The following OR2L13 variants were observed in gnomAD, a reference collection of about 807,000 sequenced individuals.
OR2L13 encodes the protein olfactory receptor family 2 subfamily L member 13.
Under a neutral mutation model 15.3 loss-of-function variants are expected in OR2L13, and 14 were observed. The ratio of observed to expected loss-of-function variants is 0.91; its 90% CI spans 0.60 to 1.43. OR2L13 has a LOEUF of 1.43. Among genes scored for constraint, OR2L13 ranks in the 40% most tolerant of loss-of-function variants. OR2L13 has a pLI of 0.00. For synonymous variants in OR2L13, 152 were observed against 142.9 expected (o/e 1.06, Z -0.45); for missense variants, 367 against 387.9 (o/e 0.95, Z 0.45).
chr1:248,015,912 T>G, the OR2L13 span, among the ~76,000 whole-genome samples: 2 of 152,084 alleles, frequency 1.3e-5, no homozygotes, highest in Non-Finnish European at 2.9e-5. Flanking sequence ...ATAGGGAAAA[T>G]AAATCAGTGA....
chr1:247,953,641 T>G, the OR2L13 span, among the ~76,000 whole-genome samples: 3 of 152,160 alleles, frequency 2.0e-5, no homozygotes, highest in African/African-American at 7.2e-5. Flanking sequence ...CTGAAAACAT[T>G]GAAGAAATTT....
At chr1:247,967,571 TATTG>T in the OR2L13 span, among the ~76,000 whole-genome samples, 1 of 152,222 alleles carries the variant, frequency 6.6e-6, no homozygotes, top group South Asian at 2.1e-4. Flanking sequence ...AAATTATTGT[TATTG>T]ATACTATTGA....
chr1:247,983,545 T>C, the OR2L13 span, among the ~76,000 whole-genome samples: 3 of 151,504 alleles, frequency 2.0e-5, no homozygotes, highest in East Asian at 1.9e-4. Context: ...GGGACAGAAG[T>C]AACTCATTTG....
chr1:248,065,958 A>G, the OR2L13 span, among the ~76,000 whole-genome samples: 1 of 152,110 alleles, frequency 6.6e-6, no homozygotes, highest in Non-Finnish European at 1.5e-5. Context: ...CTCTTCCAGT[A>G]CCCTCTCTGT....
the OR2L13 span, among the ~76,000 whole-genome samples, chr1:248,085,423 AAATAAAATAAAAT>A: frequency 9.0e-6 from 1 of 111,678 alleles, no homozygotes; most frequent in South Asian, 3.0e-4. Context: ...TAAAATAATA[AAATAAAATAAAAT>A]AATAAAATAA....
chr1:247,944,470 C>A, the OR2L13 span, among the ~76,000 whole-genome samples: 1 of 152,034 alleles, frequency 6.6e-6, no homozygotes, highest in African/African-American at 2.4e-5. Flanking sequence ...ATTGTCCTCC[C>A]CCAACAGGCC....
At chr1:248,066,219 G>A in the OR2L13 span, among the ~76,000 whole-genome samples, 1 of 152,152 alleles carries the variant, frequency 6.6e-6, no homozygotes, top group Non-Finnish European at 1.5e-5. Context: ...TCACACTCTT[G>A]TGAAGATTCC....
chr1:248,023,008 C>A, the OR2L13 span: 1 of 946,002 alleles, frequency 1.1e-6, no homozygotes, highest in Admixed American at 2.8e-5. Context: ...GAATGTTTGT[C>A]TTTTAATTTA....
chr1:248,088,065 A>G, the OR2L13 span, among the ~76,000 whole-genome samples: 9 of 152,266 alleles, frequency 5.9e-5, no homozygotes, highest in Non-Finnish European at 8.8e-5. Flanking sequence ...TGTTTGTTCT[A>G]TGAACTTTTA....
the OR2L13 span, chr1:247,965,558 T>G: frequency 1.2e-6 from 2 of 1,608,428 alleles, no homozygotes; most frequent in African/African-American, 1.3e-5. Context: ...CCAATGTACT[T>G]TCTGCTCAGT....
the OR2L13 span, chr1:248,004,079 C>A: frequency 6.3e-7 from 1 of 1,594,060 alleles, no homozygotes; most frequent in South Asian, 1.1e-5. Context: ...GAAACACTTT[C>A]TGCCTAAGGT....
At chr1:247,976,429 G>A in the OR2L13 span, among the ~76,000 whole-genome samples, 1 of 152,288 alleles carries the variant, frequency 6.6e-6, no homozygotes, top group Admixed American at 6.5e-5. Context: ...GTGCCTAAAA[G>A]CATCAACATT....
At chr1:248,032,142 T>G in the OR2L13 span, among the ~76,000 whole-genome samples, 1 of 152,106 alleles carries the variant, frequency 6.6e-6, no homozygotes, top group Non-Finnish European at 1.5e-5. Flanking sequence ...AAAAAGTAAT[T>G]TGTTCTTCTA....
the OR2L13 span, among the ~76,000 whole-genome samples, chr1:248,072,033 G>A: frequency 2.6e-4 from 39 of 151,256 alleles, no homozygotes; most frequent in South Asian, 1.7e-3. Context: ...AATCAATATC[G>A]TGAAAATGGC....
the OR2L13 span, among the ~76,000 whole-genome samples, chr1:248,070,943 G>T: frequency 2.0e-5 from 3 of 152,276 alleles, no homozygotes; most frequent in South Asian, 6.2e-4. Context: ...TTGAATCTCT[G>T]AATAGACTGA....
intron 1 of OR2L13, among the ~76,000 whole-genome samples, chr1:248,097,856 G>C (rs1197000451): frequency 1.3e-5 from 2 of 152,170 alleles, no homozygotes. Flanking sequence ...TAAGGCCTGG[G>C]CACATCAGGA....
chr1:248,005,280 C>G, the OR2L13 span, among the ~76,000 whole-genome samples: 4 of 151,988 alleles, frequency 2.6e-5, no homozygotes, highest in African/African-American at 9.7e-5. Flanking sequence ...ATGCCTTTAT[C>G]AAAACATCAC....
exon 3 of OR2L13, chr1:248,100,013 T>C (rs113741705): frequency 1.1e-5 from 17 of 1,614,202 alleles, no homozygotes; most frequent in Non-Finnish European, 1.4e-5. Context: ...TTCATTGGCA[T>C]CACTTCTTCC....
At chr1:248,086,328 C>T in the OR2L13 span, among the ~76,000 whole-genome samples, 1 of 152,140 alleles carries the variant, frequency 6.6e-6, no homozygotes, top group Non-Finnish European at 1.5e-5. Flanking sequence ...ATTCTCTTCT[C>T]TACAGGTGGA....
Sources: allele counts gnomAD v4.1 joint callset (sites outside exome capture counted in the v4.1 genomes callset), GRCh38; gene constraint gnomAD v4.1.1; transcripts MANE v1.5; gene names NCBI Gene and HGNC (gene_info 2026-07-23, HGNC 2026-07-21).